Variants in SLC25A37 observed in about 807,000 individuals in gnomAD.
SLC25A37 encodes the protein solute carrier family 25 member 37, also known as mitoferrin-1.
Under a neutral mutation model 31.0 loss-of-function variants are expected in SLC25A37, and 17 were observed. That is an observed-to-expected ratio of 0.55 (90% CI 0.38 to 0.82). The LOEUF (loss-of-function observed/expected upper bound fraction) is 0.82, where lower values mean the gene tolerates loss of function less well. Among genes scored for constraint, SLC25A37 ranks in the 40% least tolerant of loss-of-function variants. The pLI is 0.00. For missense variants in SLC25A37, 404 were observed against 465.8 expected, an observed-to-expected ratio of 0.87 and a Z score of 1.22; for synonymous variants, 222 against 193.0, an observed-to-expected ratio of 1.15 and a Z score of -1.24.
intron 1 of SLC25A37, among the ~76,000 whole-genome samples, chr8:23,537,316 T>C (rs1174793934): frequency 6.6e-6 from 1 of 152,208 alleles, no homozygotes; most frequent in Non-Finnish European, 1.5e-5. Flanking sequence ...CGTTTATTTA[T>C]ATTGTTTACA....
At chr8:23,547,784 G>A (rs984613056) in intron 1 of SLC25A37, among the ~76,000 whole-genome samples, 1 of 152,166 alleles carries the variant, frequency 6.6e-6, no homozygotes, top group African/African-American at 2.4e-5. Flanking sequence ...AACTTCCAAC[G>A]ACAACACTTC....
At chr8:23,542,143 C>T (rs1801910511) in intron 1 of SLC25A37, among the ~76,000 whole-genome samples, 2 of 152,188 alleles carry the variant, frequency 1.3e-5, no homozygotes, top group Non-Finnish European at 2.9e-5. Context: ...AGACAGTGAT[C>T]CCATAGATTA....
intron 1 of SLC25A37, among the ~76,000 whole-genome samples, chr8:23,538,701 C>T (rs1256092627): frequency 6.6e-6 from 1 of 152,138 alleles, no homozygotes; most frequent in Non-Finnish European, 1.5e-5. Flanking sequence ...GCCTGGTCCC[C>T]GTTCTCAAAG....
At chr8:23,553,863 C>A (rs796652453) in intron 1 of SLC25A37, among the ~76,000 whole-genome samples, 2 of 152,186 alleles carry the variant, frequency 1.3e-5, no homozygotes, top group Non-Finnish European at 2.9e-5. Context: ...GGCATAGACA[C>A]AGTCCTCAGG....
chr8:23,554,639 G>A (rs1243226298), intron 1 of SLC25A37, among the ~76,000 whole-genome samples: 1 of 152,250 alleles, frequency 6.6e-6, no homozygotes, highest in Non-Finnish European at 1.5e-5. Flanking sequence ...TAGAGAAGGG[G>A]TGGAGACCAG....
chr8:23,536,378 C>G (rs1801768781), intron 1 of SLC25A37, among the ~76,000 whole-genome samples: 1 of 152,166 alleles, frequency 6.6e-6, no homozygotes, highest in Non-Finnish European at 1.5e-5. Flanking sequence ...TTTGCACTGC[C>G]CAGCCGCAGC....
intron 1 of SLC25A37, among the ~76,000 whole-genome samples, chr8:23,558,801 C>T (rs1015688911): frequency 2.0e-5 from 3 of 152,174 alleles, no homozygotes; most frequent in East Asian, 1.9e-4. Flanking sequence ...GGGCAGGACA[C>T]GTTTCTCCAT....
At position 23,529,443 on chromosome 8, in the gene SLC25A37, C is replaced by T. The variant is rs1304652163; in HGVS notation, c.210+231C>T. ...GCCCCGCACCGCCCGCTGCTCCAGC[C>T]GCGTGCCCGGCCCCGGCTGCTGGCG... On this transcript the variant is annotated intron_variant, in intron 1 of 3. Coordinates refer to ENST00000519973, the MANE Select transcript of SLC25A37 (RefSeq NM_016612.4). This position sits in a 1 kb window ranked among gnomAD's most constrained non-coding sequence, Gnocchi z 4.1. Among the ~76,000 whole-genome samples the T allele has an allele frequency of 6.6e-6, 1 of 151,780 alleles. No homozygotes were observed. The highest frequency in any genetic ancestry group is 1.5e-5 in the Non-Finnish European group (1 of 67,906).
At chr8:23,532,699 G>C (rs1256336317) in intron 1 of SLC25A37, among the ~76,000 whole-genome samples, 1 of 152,208 alleles carries the variant, frequency 6.6e-6, no homozygotes, top group Non-Finnish European at 1.5e-5. Flanking sequence ...CTCCTTCCCA[G>C]GTTGGTGCAC....
At chr8:23,550,709 A>G (rs186286362) in intron 1 of SLC25A37, among the ~76,000 whole-genome samples, 2 of 152,366 alleles carry the variant, frequency 1.3e-5, no homozygotes, top group Non-Finnish European at 2.9e-5. Context: ...TCTAACTTGG[A>G]ACAGGGCTGT....
intron 1 of SLC25A37, among the ~76,000 whole-genome samples, chr8:23,545,614 G>A (rs910158268): frequency 6.6e-6 from 1 of 152,222 alleles, no homozygotes; most frequent in Admixed American, 6.5e-5. Flanking sequence ...GTGCTTTGAA[G>A]GAGCACGTGT....
rs1219518443 is a variant in SLC25A37, at chr8:23,573,031, TCTC to T, written c.*1179_*1181del. 2.0e-5 allele frequency: 3 copies of T among 152,416 alleles called. No individual in the cohort carries two copies. The highest frequency in any genetic ancestry group is 7.2e-5 in the African/African-American group (3 of 41,566). The allele number at this position is 152,416 out of a possible 1,614,324, so 9.4% of individuals were successfully genotyped here. ...CTATGTGTGTTTTGACTGAATCTCA[TCTC>T]CTGTGTTTCCCTGTGCAGTCTAGGG... On this transcript the variant is annotated 3_prime_UTR_variant, in exon 4 of 4. Transcript: ENST00000519973.
intron 1 of SLC25A37, among the ~76,000 whole-genome samples, chr8:23,563,936 G>T (rs903049937): frequency 4.6e-5 from 7 of 152,132 alleles, no homozygotes; most frequent in Admixed American, 1.3e-4. Flanking sequence ...AGCCGAGATT[G>T]TGCCACTGCA....
At chr8:23,530,608 A>C (rs1179369551) in intron 1 of SLC25A37, among the ~76,000 whole-genome samples, 1 of 152,224 alleles carries the variant, frequency 6.6e-6, no homozygotes. Flanking sequence ...CAGGAAAGAC[A>C]CTGGACTGAT....
intron 1 of SLC25A37, among the ~76,000 whole-genome samples, chr8:23,562,630 C>A (rs972181748): frequency 6.6e-6 from 1 of 152,218 alleles, no homozygotes; most frequent in Admixed American, 6.5e-5. Context: ...ATCACTTGGC[C>A]TCTCCATGAA....
intron 1 of SLC25A37, among the ~76,000 whole-genome samples, chr8:23,561,643 C>T (rs1802518432): frequency 2.0e-5 from 3 of 152,228 alleles, no homozygotes; most frequent in Admixed American, 6.5e-5. Context: ...TGCCCTCACT[C>T]AGCCACTCCC....
At chr8:23,562,447 C>A (rs111593749) in intron 1 of SLC25A37, among the ~76,000 whole-genome samples, 1 of 152,192 alleles carries the variant, frequency 6.6e-6, no homozygotes, top group Admixed American at 6.5e-5. Context: ...CCTTTCACCC[C>A]GGTGGGTATT....
At position 23,572,165 on chromosome 8, in the gene SLC25A37, C is replaced by G. The variant is rs929802767; in HGVS notation, c.*310C>G. ...AGCCTCCTCCCTGGATCCTTAGATC[C>G]CAGAGGAGGGAAGAAAATTTGCAGT... On this transcript the variant is annotated 3_prime_UTR_variant, in exon 4 of 4. Transcript: ENST00000519973. 4.9e-6 allele frequency: 1 copy of G among 205,674 alleles called. No homozygotes were observed. Among genetic ancestry groups the G allele is most frequent in the East Asian group, 1.1e-4 (1 of 9,090 alleles). The allele number at this position is 205,674 out of a possible 1,614,324, so 12.7% of individuals were successfully genotyped here. A position where few individuals can be genotyped will look rare whatever the true frequency, so the allele number is the denominator to read the frequency against.
In SLC25A37 at chr8:23,552,911, A is replaced by G. The variant is rs78511696; in HGVS notation, c.211-13197A>G. 9.6e-3 allele frequency among the ~76,000 whole-genome samples: 1,456 copies of G among 152,300 alleles called. 11 individuals carry two copies. Among genetic ancestry groups the G allele is most frequent in the Non-Finnish European group, 0.015 (1,032 of 68,014 alleles). ...AAGCTCACAGGGAGCCCCATCGTGC[A>G]AAACCGATGATGGCAGAGCTGCCGG... On this transcript the variant is annotated intron_variant, in intron 1 of 3. Coordinates refer to ENST00000519973, the MANE Select transcript of SLC25A37 (RefSeq NM_016612.4).
Sources: allele counts gnomAD v4.1 joint callset (sites outside exome capture counted in the v4.1 genomes callset), GRCh38; gene constraint gnomAD v4.1.1; non-coding constraint Gnocchi (gnomAD v3.1); transcripts MANE v1.5; gene names NCBI Gene and HGNC (gene_info 2026-07-23, HGNC 2026-07-21).